ANKRD11: variants seen among roughly 807,000 people sequenced by gnomAD.
ANKRD11 encodes the protein ankyrin repeat domain-containing protein 11.
Under a neutral mutation model 195.7 loss-of-function variants are expected in ANKRD11, and 17 were observed. The ratio of observed to expected loss-of-function variants is 0.09; its 90% confidence interval spans 0.06 to 0.13. The LOEUF (loss-of-function observed/expected upper bound fraction) is 0.13, where lower values mean the gene tolerates loss of function less well. Among genes scored for constraint, ANKRD11 ranks in the 10% least tolerant of loss-of-function variants. The pLI, the probability that ANKRD11 is intolerant of heterozygous loss-of-function variation, is 1.00. For missense variants in ANKRD11, 3,735 were observed against 3,566.1 expected, an observed-to-expected ratio of 1.05 and a Z score of -1.21; for synonymous variants, 1,953 against 1,528.1, an observed-to-expected ratio of 1.28 and a Z score of -6.49.
At chr16:89,479,320 A>G (rs1409087427) in intron 1 of ANKRD11, among the ~76,000 whole-genome samples, 1 of 152,134 alleles carries the variant, frequency 6.6e-6, no homozygotes, top group African/African-American at 2.4e-5. Context: ...TCCTAGATAA[A>G]ACACATGTGA....
rs375719861 is a variant in ANKRD11 at position 89,460,778 on chromosome 16, A to C, written c.-145+29467T>G. 2.5e-3 allele frequency among the ~76,000 whole-genome samples: 388 copies of C among 152,278 alleles called. 14 individuals are homozygous for C. In the South Asian group the frequency reaches 0.076, roughly 30 times the overall value. ...AAATTGAATTTGACCTGCAGGGGGT[A>C]GTCACAATTGAGGAATCTGAGCTGT... On this transcript the variant is annotated intron_variant, in intron 1 of 12. Transcript: ENST00000301030.
intron 1 of ANKRD11, among the ~76,000 whole-genome samples, chr16:89,489,455 C>G (rs2057736759): frequency 7.3e-6 from 1 of 137,604 alleles, no homozygotes; most frequent in African/African-American, 2.6e-5. Context: ...TGCCCGCATT[C>G]CTGCCCCTCC....
chr16:89,296,391 C>G (rs2151825878), intron 4 of ANKRD11, among the ~76,000 whole-genome samples: 1 of 152,294 alleles, frequency 6.6e-6, no homozygotes, highest in East Asian at 1.9e-4. Context: ...CTCCCCGCTT[C>G]CTGCAGGCTT....
intron 1 of ANKRD11, among the ~76,000 whole-genome samples, chr16:89,445,480 A>C (rs2043744794): frequency 6.6e-6 from 1 of 152,068 alleles, no homozygotes; most frequent in South Asian, 2.1e-4. Context: ...AAACATACCT[A>C]GGACCAGTGC....
At position 89,276,210 on chromosome 16, in the gene ANKRD11, G is replaced by A. The variant is rs184343891; in HGVS notation, c.7471-1019C>T. ...CGACTCATGGCATGAGACCAACGCT[G>A]GCGATGCCGGGCACCTGCAGGCGGA... On this transcript the variant is annotated intron_variant, in intron 9 of 12. Transcript: ENST00000301030. Among the ~76,000 whole-genome samples, 49 of 152,344 alleles carry A rather than the reference G, an allele frequency of 3.2e-4. No homozygotes were observed. In the East Asian group the frequency reaches 4.4e-3, roughly 14 times the overall value.
chr16:89,291,525 G>A lies in ANKRD11; in HGVS notation c.227-342C>T, dbSNP rs1449663693. On this transcript the variant is annotated intron_variant, in intron 4 of 12. Transcript: ENST00000301030. The surrounding 1 kb of genome is among the most constrained non-coding windows in gnomAD (Gnocchi z 5.3). ...GAATGCGGTGGGACAGCTTAGCACC[G>A]GTGACCTGGCTCACACAGGACAGGT... Among the ~76,000 whole-genome samples the A allele has an allele frequency of 7.2e-5, 11 of 152,256 alleles. No individual in the cohort carries two copies. Among genetic ancestry groups the A allele is most frequent in the South Asian group, 6.2e-4 (3 of 4,824 alleles).
In ANKRD11 at chr16:89,462,403, T is replaced by C. The variant is rs2056711642; in HGVS notation, c.-145+27842A>G. Among the ~76,000 whole-genome samples the C allele has an allele frequency of 2.0e-5, 3 of 152,248 alleles. No individual in the cohort carries two copies. The South Asian group carries it at 6.2e-4, about 31-fold the overall frequency. On this transcript the variant is annotated intron_variant, in intron 1 of 12. Transcript: ENST00000301030. ...GTGCCCAGGCTGGAGTGCAGTGGCA[T>C]GATCTCGGCTCGCTACAACCTCCAC... is the stretch of plus-strand genomic sequence containing the variant.
At chr16:89,373,857 G>C (rs2040301458) in intron 2 of ANKRD11, among the ~76,000 whole-genome samples, 1 of 152,224 alleles carries the variant, frequency 6.6e-6, no homozygotes, top group Admixed American at 6.5e-5. Context: ...TTTAGTTAGA[G>C]CTGCTATTAA....
chr16:89,415,452 G>A (rs2042260311), intron 2 of ANKRD11, among the ~76,000 whole-genome samples: 2 of 149,070 alleles, frequency 1.3e-5, no homozygotes, highest in African/African-American at 5.0e-5. Flanking sequence ...TTTTAGTAGA[G>A]ACGGGGTTTC....
chr16:89,334,793 C>G (rs1467838356), intron 2 of ANKRD11, among the ~76,000 whole-genome samples: 2 of 152,162 alleles, frequency 1.3e-5, no homozygotes, highest in African/African-American at 4.8e-5. Context: ...ACGTGTCCAC[C>G]AGCAGAAGAG....
rs182562257 is a variant in ANKRD11, at chr16:89,435,226, C to G, written c.-144-16858G>C. ...CTGTGTCTAGCTAAAGGTTTATAAA[C>G]TAACCAATCAGCATTCTGTAAAAAT... On this transcript the variant is annotated intron_variant, in intron 1 of 12. Coordinates refer to ENST00000301030, the MANE Select transcript of ANKRD11 (RefSeq NM_013275.6). Among the ~76,000 whole-genome samples, 143 of 152,288 alleles carry G rather than the reference C, an allele frequency of 9.4e-4. 1 individual carries two copies. The highest frequency in any genetic ancestry group is 3.3e-3 in the African/African-American group (137 of 41,562).
Position 89,278,843 on chromosome 16 carries a change from G to A in ANKRD11, c.7470+229C>T, listed in dbSNP as rs978181478. The A allele has an allele frequency of 5.4e-6, 4 of 740,494 alleles. 1 individual carries two copies. The Admixed American group carries it at 6.1e-5, about 11-fold the overall frequency. The allele number at this position is 740,494 out of a possible 1,614,324, so 45.9% of individuals were successfully genotyped here. A position where few individuals can be genotyped will look rare whatever the true frequency, so the allele number is the denominator to read the frequency against. ...GTGAGGGGGAGGTCAGGAGACCGAGGCCTGGCACGGACCAGCTGGAGGAAG... is the reference window on the plus strand; with the variant it reads ...GTGAGGGGGAGGTCAGGAGACCGAGACCTGGCACGGACCAGCTGGAGGAAG... On this transcript the variant is annotated intron_variant, in intron 9 of 12. Transcript: ENST00000301030.
At chr16:89,349,512 T>G (rs1425637586) in intron 2 of ANKRD11, among the ~76,000 whole-genome samples, 1 of 152,140 alleles carries the variant, frequency 6.6e-6, no homozygotes, top group Non-Finnish European at 1.5e-5. Flanking sequence ...CATAAATATA[T>G]AGTCAACTAA....
In ANKRD11 at chr16:89,279,959, C is replaced by A; in HGVS notation, c.6583G>T (p.Ala2195Ser). 6.2e-7 allele frequency: 1 copy of A among 1,610,396 alleles called. No individual in the cohort carries two copies. The highest frequency in any genetic ancestry group is 8.5e-7 in the Non-Finnish European group (1 of 1,179,876). Residue 2195 changes from alanine (A) to serine (S), a missense_variant, in exon 9 of 13, where the codon GCC becomes TCC. Coordinates refer to ENST00000301030, the MANE Select transcript of ANKRD11 (RefSeq NM_013275.6). The surrounding 1 kb of genome is among the most constrained non-coding windows in gnomAD (Gnocchi z 5.6). ...EEPPALPPDQASTRLPAELEP... is the reference protein window; with the variant it reads ...EEPPALPPDQSSTRLPAELEP... Reference sequence around the variant, plus strand: ...AGCTCTGCAGGGAGCCGGGTGGAGGCCTGGTCAGGAGGCAGTGCCGGCGGC... The same window carrying A: ...AGCTCTGCAGGGAGCCGGGTGGAGGACTGGTCAGGAGGCAGTGCCGGCGGC...
Position 89,273,870 on chromosome 16 carries a change from G to C in ANKRD11, c.7713+944C>G, listed in dbSNP as rs968054417. On this transcript the variant is annotated intron_variant, in intron 11 of 12. Transcript: ENST00000301030. Reference sequence around the variant, plus strand: ...TAGTGCACTGCTCAGAGTGCCCAGGGCTGGGGTGGCGTCAAGGGGGGCACA... The same window carrying C: ...TAGTGCACTGCTCAGAGTGCCCAGGCCTGGGGTGGCGTCAAGGGGGGCACA... Among the ~76,000 whole-genome samples the C allele has an allele frequency of 1.3e-4, 20 of 152,202 alleles. 4 individuals are homozygous for C. The highest frequency in any genetic ancestry group is 7.2e-4 in the Admixed American group (11 of 15,294).
rs569475259 is a variant in ANKRD11 at position 89,397,244 on chromosome 16, A to T, written c.-60+21040T>A. ...TGGGTGAGGGGAGCACGGGAGACAC[A>T]GCCATCAAGGCATCCACCTCCAGGA... On this transcript the variant is annotated intron_variant, in intron 2 of 12. Transcript: ENST00000301030. 6.2e-4 allele frequency among the ~76,000 whole-genome samples: 95 copies of T among 152,284 alleles called. 2 individuals carry two copies. Among genetic ancestry groups the T allele is most frequent in the South Asian group, 3.1e-3 (15 of 4,824 alleles).
At chr16:89,355,736 G>A (rs377765972) in intron 2 of ANKRD11, among the ~76,000 whole-genome samples, 10 of 152,282 alleles carry the variant, frequency 6.6e-5, no homozygotes, top group African/African-American at 2.4e-4. Flanking sequence ...GCATCCACCC[G>A]TCGAGGGCAG....
In ANKRD11 at chr16:89,305,351, A is replaced by T; in HGVS notation, c.88-7T>A. On this transcript the variant is annotated splice_polypyrimidine_tract_variant and splice_region_variant and intron_variant, in intron 3 of 12. Coordinates refer to ENST00000301030, the MANE Select transcript of ANKRD11 (RefSeq NM_013275.6). ...GAGAAACTTTATCTTTATCCTAGAA[A>T]AGAAAGGGATGCTTTCAGTCGTGAT... The T allele has an allele frequency of 6.2e-7, 1 of 1,613,906 alleles. No individual in the cohort carries two copies. The highest frequency in any genetic ancestry group is 1.7e-4 in the Middle Eastern group (1 of 6,058).
chr16:89,323,251 A>T, intron 2 of ANKRD11: 1 of 1,247,084 alleles, frequency 8.0e-7, no homozygotes, highest in South Asian at 1.2e-5. Context: ...AAAAGGAAAA[A>T]GAGCTGCATA....
Sources: allele counts gnomAD v4.1 joint callset (sites outside exome capture counted in the v4.1 genomes callset), GRCh38; gene constraint gnomAD v4.1.1; non-coding constraint Gnocchi (gnomAD v3.1); transcripts MANE v1.5; gene names NCBI Gene and HGNC (gene_info 2026-07-23, HGNC 2026-07-21).